The following ZDHHC16 variants were observed in gnomAD, a reference collection of about 807,000 sequenced individuals.
ZDHHC16 encodes zDHHC palmitoyltransferase 16.
A neutral mutation model predicts 54.4 loss-of-function variants in ZDHHC16; 33 were observed. The observed-to-expected ratio is 0.61, with a 90% CI of 0.46 to 0.81. ZDHHC16 has a LOEUF of 0.81. ZDHHC16 is among the 30% of genes least tolerant of loss of function. The probability of loss-of-function intolerance (pLI) is 0.00; values close to 1 mark genes in which losing one functional copy is unlikely to be tolerated. For missense variants in ZDHHC16, 420 were observed against 485.9 expected (o/e 0.86, Z 1.28); for synonymous variants, 185 against 182.1 (o/e 1.02, Z -0.13).
At chr10:97,449,383 T>A (rs1015620732) in intron 1 of ZDHHC16, among the ~76,000 whole-genome samples, 1 of 152,212 alleles carries the variant, frequency 6.6e-6, no homozygotes, top group African/African-American at 2.4e-5. Flanking sequence ...AACAGCAGTG[T>A]GGACAGTCCA....
intron 1 of ZDHHC16, among the ~76,000 whole-genome samples, chr10:97,448,819 T>C (rs1222815511): frequency 1.3e-5 from 2 of 152,180 alleles, no homozygotes; most frequent in Admixed American, 1.3e-4. Context: ...TTATGAGTAA[T>C]CTAGAAATGA....
intron 2 of ZDHHC16, chr10:97,451,324 T>A (rs1225585563): frequency 7.2e-6 from 2 of 278,640 alleles, no homozygotes; most frequent in Non-Finnish European, 1.4e-5. Flanking sequence ...CACAGACAAC[T>A]CCTAAGACTG....
At chr10:97,448,993 G>C (rs558820811) in intron 1 of ZDHHC16, among the ~76,000 whole-genome samples, 1 of 152,272 alleles carries the variant, frequency 6.6e-6, no homozygotes, top group South Asian at 2.1e-4. Flanking sequence ...AATCATAAAA[G>C]GTTAGAGCTG....
In ZDHHC16 at chr10:97,455,934, A is replaced by G. The variant is rs748316359; in HGVS notation, c.949-40A>G. Reference sequence around the variant, plus strand: ...TTTAGCTTAGCCAATTTAGTCTGAAAAATTAGAAGTTCAAAGAAACATGTT... The same window carrying G: ...TTTAGCTTAGCCAATTTAGTCTGAAGAATTAGAAGTTCAAAGAAACATGTT... On this transcript the variant is annotated intron_variant, in intron 10 of 11. Coordinates refer to ENST00000393760, the MANE Select transcript of ZDHHC16 (RefSeq NM_198046.3). 5 of 1,613,100 alleles carry G rather than the reference A, an allele frequency of 3.1e-6. No individual in the cohort carries two copies. In the South Asian group the frequency reaches 5.5e-5, roughly 18 times the overall value.
intron 1 of ZDHHC16, among the ~76,000 whole-genome samples, chr10:97,446,649 C>A (rs1159483201): frequency 6.6e-6 from 1 of 152,238 alleles, no homozygotes; most frequent in Non-Finnish European, 1.5e-5. Flanking sequence ...AAACTGGAAC[C>A]CACGGTTTTT....
chr10:97,453,899 G>T, intron 8 of ZDHHC16, 53 bp downstream of exon 8: 1 of 1,612,622 alleles, frequency 6.2e-7, no homozygotes, highest in Non-Finnish European at 8.5e-7. Flanking sequence ...GGGGTATAGA[G>T]TTGCTAAGGC....
At chr10:97,454,934 C>T in intron 9 of ZDHHC16, 135 bp downstream of exon 9, 1 of 718,700 alleles carries the variant, frequency 1.4e-6, no homozygotes, top group Non-Finnish European at 2.4e-6. Flanking sequence ...AGAGAGCCAG[C>T]ACTTTCTTCA....
Position 97,455,792 on chromosome 10 carries a change from G to C in ZDHHC16, c.948+9G>C, listed in dbSNP as rs755714604. The C allele has an allele frequency of 8.7e-6, 14 of 1,612,004 alleles. No individual in the cohort carries two copies. The highest frequency in any genetic ancestry group is 1.2e-5 in the Non-Finnish European group (14 of 1,178,246). On this transcript the variant is annotated intron_variant, in intron 10 of 11. Transcript: ENST00000393760. ...TACAGGCCAAGGGCAGAGTGAGTAG[G>C]GTTGAAGGCTCGGGGTGGGTAGGTG...
At chr10:97,450,821 A>C (rs926004723) in intron 2 of ZDHHC16, 4 of 151,932 alleles carry the variant, frequency 2.6e-5, no homozygotes, top group Non-Finnish European at 5.9e-5. Flanking sequence ...AGTGGAGTCC[A>C]TCAGAGAGGT....
chr10:97,447,781 G>A (rs1302673245), intron 1 of ZDHHC16, among the ~76,000 whole-genome samples: 1 of 152,136 alleles, frequency 6.6e-6, no homozygotes. Flanking sequence ...AAATTAGCCA[G>A]GCGTGGTGGC....
intron 9 of ZDHHC16, 40 bp downstream of exon 9, chr10:97,454,839 GAAA>G (rs764713646): frequency 6.2e-7 from 1 of 1,601,584 alleles, no homozygotes; most frequent in Admixed American, 1.7e-5. Context: ...GGAAGCTTCA[GAAA>G]AAAAGTTTTT....
Position 97,446,321 on chromosome 10 carries a change from G to C in ZDHHC16, c.-218G>C. 2 of 443,792 alleles carry C rather than the reference G, an allele frequency of 4.5e-6. No individual in the cohort carries two copies. Among genetic ancestry groups the C allele is most frequent in the Non-Finnish European group, 4.1e-6 (1 of 245,176 alleles). The allele number at this position is 443,792 out of a possible 1,614,324, so 27.5% of individuals were successfully genotyped here. On this transcript the variant is annotated 5_prime_UTR_variant, in exon 1 of 12. Coordinates refer to ENST00000393760, the MANE Select transcript of ZDHHC16 (RefSeq NM_198046.3). ...AGCGGCGGCAGAGGCTACGGGGCTC[G>C]GTTTGGCTGACTGGGGAGTCGGCAG...
At chr10:97,455,595 A>G (rs760876466) in intron 9 of ZDHHC16, 65 bp from the exon 10 acceptor site, 13 of 1,612,960 alleles carry the variant, frequency 8.1e-6, no homozygotes, top group Middle Eastern at 1.6e-4. Flanking sequence ...GCTTAGCTCA[A>G]TTTCAGACAT....
Position 97,451,654 on chromosome 10 carries a change from A to G in ZDHHC16, c.-5-17A>G, listed in dbSNP as rs747144600. ...GGAGGGCTCAGACTAGATCCTCACA[A>G]TGGTGTGCTCTCGTAGGAACCATGC... is the stretch of plus-strand genomic sequence containing the variant. On this transcript the variant is annotated splice_polypyrimidine_tract_variant and intron_variant, in intron 2 of 11. Coordinates refer to ENST00000393760, the MANE Select transcript of ZDHHC16 (RefSeq NM_198046.3). 2 of 1,598,762 alleles carry G rather than the reference A, an allele frequency of 1.3e-6. No individual in the cohort carries two copies. Among genetic ancestry groups the G allele is most frequent in the African/African-American group, 2.7e-5 (2 of 74,716 alleles).
chr10:97,455,759 ACGT>A lies in ZDHHC16; in HGVS notation c.927_929del (p.Arg310del). ...AAAGGCACATCAACAAGAAGGAGAG[ACGT>A]CGGCTACAGGCCAAGGGCAGAGTGA... On this transcript the variant is annotated inframe_deletion, in exon 10 of 12. Coordinates refer to ENST00000393760, the MANE Select transcript of ZDHHC16 (RefSeq NM_198046.3). 6.2e-7 allele frequency: 1 copy of A among 1,614,168 alleles called. No individual in the cohort carries two copies. Among genetic ancestry groups the A allele is most frequent in the Non-Finnish European group, 8.5e-7 (1 of 1,180,022 alleles).
Position 97,457,132 on chromosome 10 carries a change from T to C in ZDHHC16, c.*241T>C, listed in dbSNP as rs1020838348. 7 of 282,010 alleles carry C rather than the reference T, an allele frequency of 2.5e-5. No homozygotes were observed. The highest frequency in any genetic ancestry group is 1.5e-4 in the African/African-American group (7 of 45,856). 17.5% of individuals were successfully genotyped at this position (282,010 alleles called of 1,614,324 possible). A position where few individuals can be genotyped will look rare whatever the true frequency, so the allele number is the denominator to read the frequency against. On this transcript the variant is annotated 3_prime_UTR_variant, in exon 12 of 12. Transcript: ENST00000393760. The stretch of plus-strand genomic sequence containing the variant: ...GCAAACAGAAGTTCCAACCCCAGAC[T>C]AGGGGTCAGGCAGCTAGCTACCTAC...
intron 5 of ZDHHC16, 76 bp from the exon 6 acceptor site, chr10:97,452,819 C>G: frequency 6.3e-7 from 1 of 1,596,308 alleles, no homozygotes; most frequent in Non-Finnish European, 8.6e-7. Flanking sequence ...GGATGCTGGT[C>G]CTTGTAGGGA....
intron 1 of ZDHHC16, among the ~76,000 whole-genome samples, chr10:97,447,332 C>A (rs968545666): frequency 2.6e-5 from 4 of 152,232 alleles, no homozygotes; most frequent in Non-Finnish European, 4.4e-5. Flanking sequence ...GTTCACCTGA[C>A]TTCTGATGGC....
chr10:97,448,210 A>G (rs1288805922), intron 1 of ZDHHC16: 2 of 152,230 alleles, frequency 1.3e-5, no homozygotes, highest in Non-Finnish European at 2.9e-5. Context: ...AACAGCAGAC[A>G]CTTATTTAGT....
Sources: allele counts gnomAD v4.1 joint callset (sites outside exome capture counted in the v4.1 genomes callset), GRCh38; gene constraint gnomAD v4.1.1; transcripts MANE v1.5; gene names NCBI Gene and HGNC (gene_info 2026-07-23, HGNC 2026-07-21).